The following EXPH5 variants were observed in gnomAD, a reference collection of about 807,000 sequenced individuals.
EXPH5 encodes the protein exophilin-5.
A neutral mutation model predicts 41.1 loss-of-function variants in EXPH5; 42 were observed. The ratio of observed to expected loss-of-function variants is 1.02; its 90% confidence interval spans 0.80 to 1.32. The LOEUF (loss-of-function observed/expected upper bound fraction) is 1.32. Ranked by LOEUF, EXPH5 falls within the 40% of genes most tolerant of loss-of-function variation. The pLI is 0.00. For synonymous variants in EXPH5, 798 were observed against 833.5 expected (o/e 0.96, Z 0.73); for missense variants, 2,298 against 2,314.5 (o/e 0.99, Z 0.15).
intron 4 of EXPH5, among the ~76,000 whole-genome samples, chr11:108,527,179 G>A (rs1269898216): frequency 6.6e-6 from 1 of 152,086 alleles, no homozygotes; most frequent in African/African-American, 2.4e-5. Context: ...AATTAGCTGG[G>A]TGTGGTGGTG....
chr11:108,566,858 T>C (rs532729989), intron 1 of EXPH5, among the ~76,000 whole-genome samples: 13 of 152,192 alleles, frequency 8.5e-5, no homozygotes, highest in Non-Finnish European at 1.2e-4. Flanking sequence ...GATTTCCTTT[T>C]GTGGTCTTTT....
At position 108,509,526 on chromosome 11, in the gene EXPH5, T is replaced by C. The variant is rs199829651; in HGVS notation, c.*11A>G. 16 of 1,532,272 alleles carry C rather than the reference T, an allele frequency of 1.0e-5. No homozygotes were observed. Among genetic ancestry groups the C allele is most frequent in the African/African-American group, 5.6e-5 (4 of 72,022 alleles). 94.9% of individuals were successfully genotyped at this position (1,532,272 alleles called of 1,614,324 possible). On this transcript the variant is annotated 3_prime_UTR_variant, in exon 6 of 6. Transcript: ENST00000265843. ...TTGGTGAAAAAAGTAAAGCATTTTATTGAAAAAGCCTCACAGTTCTGACTC... is the reference window on the plus strand; with the variant it reads ...TTGGTGAAAAAAGTAAAGCATTTTACTGAAAAAGCCTCACAGTTCTGACTC...
At chr11:108,547,562 C>T (rs1425087829) in intron 1 of EXPH5, among the ~76,000 whole-genome samples, 1 of 152,138 alleles carries the variant, frequency 6.6e-6, no homozygotes, top group Non-Finnish European at 1.5e-5. Context: ...GTACCAATAT[C>T]ACTTATGCCA....
In EXPH5 at chr11:108,547,677, T is replaced by C. The variant is rs765177154; in HGVS notation, c.120-5865A>G. 1.2e-4 allele frequency among the ~76,000 whole-genome samples: 18 copies of C among 152,224 alleles called. 1 individual carries two copies. Among genetic ancestry groups the C allele is most frequent in the Non-Finnish European group, 2.4e-4 (16 of 68,042 alleles). ...TGGTGTTACTATTTATAATTGTTAG[T>C]AATTATTTTTAAGAATCTTTCTTTG... On this transcript the variant is annotated intron_variant, in intron 1 of 5. Coordinates refer to ENST00000265843, the MANE Select transcript of EXPH5 (RefSeq NM_015065.3).
Position 108,513,177 on chromosome 11 carries a change from T to A in EXPH5, c.2330A>T (p.Asp777Val). ...KKSPRVFSRKDTSKMYIPHTD... is the reference protein window; with the variant it reads ...KKSPRVFSRKVTSKMYIPHTD... Reference sequence around the variant, plus strand: ...GTGCGGTATATACATTTTGGAGGTATCTTTCCTGGAAAAGACTCTGGGTGA... The same window carrying A: ...GTGCGGTATATACATTTTGGAGGTAACTTTCCTGGAAAAGACTCTGGGTGA... The change falls in exon 6 of 6, where the codon GAT becomes GTT. Residue 777 changes from aspartate (D) to valine (V), a missense_variant. Transcript: ENST00000265843. The A allele has an allele frequency of 1.2e-6, 2 of 1,614,158 alleles. No individual in the cohort carries two copies. Among genetic ancestry groups the A allele is most frequent in the Non-Finnish European group, 1.7e-6 (2 of 1,180,016 alleles).
chr11:108,590,521 A>C (rs563377014), intron 1 of EXPH5, among the ~76,000 whole-genome samples: 1 of 152,138 alleles, frequency 6.6e-6, no homozygotes, highest in Non-Finnish European at 1.5e-5. Context: ...AGAAAGTTCT[A>C]TGTGTTCAGG....
chr11:108,565,169 G>C (rs1385274396), intron 1 of EXPH5, among the ~76,000 whole-genome samples: 1 of 152,056 alleles, frequency 6.6e-6, no homozygotes, highest in Non-Finnish European at 1.5e-5. Context: ...ACCTCCCAAA[G>C]TGCCGGGATT....
chr11:108,530,241 A>G (rs1313985176), intron 3 of EXPH5, among the ~76,000 whole-genome samples: 1 of 152,160 alleles, frequency 6.6e-6, no homozygotes, highest in Non-Finnish European at 1.5e-5. Flanking sequence ...ACATTTATTG[A>G]GCCTGTTTTC....
rs1284774586 is a variant in EXPH5, at chr11:108,585,398, C to T, written c.119+8020G>A. On this transcript the variant is annotated intron_variant, in intron 1 of 5. Coordinates refer to ENST00000265843, the MANE Select transcript of EXPH5 (RefSeq NM_015065.3). Reference sequence around the variant, plus strand: ...GTGATTAGGTGGAGAGGGCTTCTCCCTCATGAATGGATCAGTGCCCTTTTA... The same window carrying T: ...GTGATTAGGTGGAGAGGGCTTCTCCTTCATGAATGGATCAGTGCCCTTTTA... 2.6e-5 allele frequency among the ~76,000 whole-genome samples: 4 copies of T among 152,116 alleles called. No individual in the cohort carries two copies. The East Asian group carries it at 7.7e-4, about 29-fold the overall frequency.
chr11:108,593,756 G>A lies in EXPH5; in HGVS notation c.-220C>T. The A allele has an allele frequency of 6.5e-7, 1 of 1,535,922 alleles. No homozygotes were observed. Among genetic ancestry groups the A allele is most frequent in the South Asian group, 1.2e-5 (1 of 84,106 alleles). ...CATGTTTCTCTCAACCTGTCCAACC[G>A]AGATGCAAAGTGAACGGCTAAAGGG... On this transcript the variant is annotated 5_prime_UTR_variant, in exon 1 of 6. Coordinates refer to ENST00000265843, the MANE Select transcript of EXPH5 (RefSeq NM_015065.3).
intron 5 of EXPH5, among the ~76,000 whole-genome samples, chr11:108,516,906 A>T (rs991139823): frequency 6.6e-6 from 1 of 152,252 alleles, no homozygotes; most frequent in African/African-American, 2.4e-5. Flanking sequence ...GCAAAAAACA[A>T]AACAAAACAA....
chr11:108,544,942 T>C (rs763486747), intron 1 of EXPH5, among the ~76,000 whole-genome samples: 12 of 152,220 alleles, frequency 7.9e-5, no homozygotes, highest in African/African-American at 2.7e-4. Flanking sequence ...TTTTTTATTA[T>C]GTACAATATA....
chr11:108,593,195 AG>A lies in EXPH5; in HGVS notation c.119+222del, dbSNP rs577757521. Among the ~76,000 whole-genome samples, 303 of 144,062 alleles carry A rather than the reference AG, an allele frequency of 2.1e-3. 1 individual carries two copies. Among genetic ancestry groups the A allele is most frequent in the African/African-American group, 7.0e-3 (282 of 40,324 alleles). 94.5% of individuals were successfully genotyped at this position (144,062 alleles called of 152,430 possible). ...CTGCCCGACCCCAGACCCGCAGCCG[AG>A]CCCGTCTGGTATGTGGTGGGTGGAG... On this transcript the variant is annotated intron_variant, in intron 1 of 5. Transcript: ENST00000265843.
intron 3 of EXPH5, among the ~76,000 whole-genome samples, chr11:108,536,732 G>T (rs1034914321): frequency 1.3e-5 from 2 of 152,108 alleles, no homozygotes; most frequent in Admixed American, 6.6e-5. Flanking sequence ...TTCTGGGGAG[G>T]GTTACCTATT....
rs2093664338 is a variant in EXPH5 at position 108,509,795 on chromosome 11, T to G, written c.5712A>C (p.Ser1904=). ...GTTTCCATAATCTTCCTTGTGTAAGTGACCTCTTTACATTTTCTAAGAAAG... is the reference window on the plus strand; with the variant it reads ...GTTTCCATAATCTTCCTTGTGTAAGGGACCTCTTTACATTTTCTAAGAAAG... ...QLAFLENVKR[S]LTQGRLWKPS... Residue 1904 remains serine (S), a synonymous_variant, in exon 6 of 6, where the codon TCA becomes TCC. Transcript: ENST00000265843. 1 of 1,612,620 alleles carries G rather than the reference T, an allele frequency of 6.2e-7. No individual in the cohort carries two copies. Among genetic ancestry groups the G allele is most frequent in the East Asian group, 2.2e-5 (1 of 44,878 alleles).
chr11:108,596,893 C>A (rs1191216476), upstream of EXPH5, among the ~76,000 whole-genome samples: 3 of 65,566 alleles, frequency 4.6e-5, no homozygotes, highest in Admixed American at 1.7e-4. Flanking sequence ...TAAAATAATT[C>A]TCCAAAGGTT....
chr11:108,574,580 C>T (rs928785155), intron 1 of EXPH5, among the ~76,000 whole-genome samples: 3 of 152,236 alleles, frequency 2.0e-5, no homozygotes, highest in South Asian at 4.1e-4. Flanking sequence ...TGACTGCCTT[C>T]TAGAATGCAT....
At position 108,507,378 on chromosome 11, in the gene EXPH5, T is replaced by C. The variant is rs2093649918; in HGVS notation, c.*2159A>G. 1 of 152,230 alleles carries C rather than the reference T, an allele frequency of 6.6e-6. No individual in the cohort carries two copies. Among genetic ancestry groups the C allele is most frequent in the Non-Finnish European group, 1.5e-5 (1 of 68,036 alleles). The allele number at this position is 152,230 out of a possible 1,614,324, so 9.4% of individuals were successfully genotyped here. On this transcript the variant is annotated 3_prime_UTR_variant, in exon 6 of 6. Transcript: ENST00000265843. ...TATACACTTCACCAACATCTATCATTATTCTTAGTTTATAATGATGAAACA... is the reference window on the plus strand; with the variant it reads ...TATACACTTCACCAACATCTATCATCATTCTTAGTTTATAATGATGAAACA...
At chr11:108,548,432 A>C (rs1485310950) in intron 1 of EXPH5, among the ~76,000 whole-genome samples, 2 of 152,214 alleles carry the variant, frequency 1.3e-5, no homozygotes, top group African/African-American at 4.8e-5. Flanking sequence ...ATGCAGATAC[A>C]TGAAGGGGGC....
Sources: allele counts gnomAD v4.1 joint callset (sites outside exome capture counted in the v4.1 genomes callset), GRCh38; gene constraint gnomAD v4.1.1; transcripts MANE v1.5; gene names NCBI Gene and HGNC (gene_info 2026-07-23, HGNC 2026-07-21).